Variants in AHRR observed in about 807,000 individuals in gnomAD.
AHRR encodes the protein ahR repressor.
AHRR carries 28 observed loss-of-function variants against 44.0 expected under a neutral mutation model. The ratio of observed to expected loss-of-function variants is 0.64; its 90% CI spans 0.47 to 0.87. The LOEUF (loss-of-function observed/expected upper bound fraction) is 0.87, where lower values mean the gene tolerates loss of function less well. AHRR is among the 40% of genes least tolerant of loss of function. The pLI is 0.00. For synonymous variants in AHRR, 434 were observed against 407.0 expected (o/e 1.07, Z -0.80); for missense variants, 990 against 953.9 (o/e 1.04, Z -0.50).
chr5:344,503 G>GT (rs36162781), intron 2 of AHRR, among the ~76,000 whole-genome samples: 9 of 1,918 alleles, frequency 4.7e-3, no homozygotes, highest in Admixed American at 0.013. Context: ...TGTGTGTGTG[G>GT]GTGTGTGTGT....
intron 4 of AHRR, among the ~76,000 whole-genome samples, chr5:397,809 G>A (rs62331585): frequency 0.12 from 5,348 of 43,074 alleles, 537 homozygotes; most frequent in African/African-American, 0.4. Context: ...GCCCCTGACC[G>A]TCCACGTAGC....
Position 395,239 on chromosome 5 carries a change from G to A in AHRR, c.352-18105G>A, listed in dbSNP as rs371888806. ...AGGTGGCCGACACTGGCTGCCCTGCGTCCCCATTCCCTGAATGACACTGGT... is the reference window on the plus strand; with the variant it reads ...AGGTGGCCGACACTGGCTGCCCTGCATCCCCATTCCCTGAATGACACTGGT... On this transcript the variant is annotated intron_variant, in intron 4 of 10. Transcript: ENST00000684583. This position sits in a 1 kb window ranked among gnomAD's most constrained non-coding sequence, Gnocchi z 5.3. Among the ~76,000 whole-genome samples the A allele has an allele frequency of 2.9e-4, 44 of 152,272 alleles. No homozygotes were observed. The highest frequency in any genetic ancestry group is 9.6e-4 in the African/African-American group (40 of 41,544).
At chr5:415,112 C>T (rs1311125415) in intron 5 of AHRR, among the ~76,000 whole-genome samples, 1 of 152,234 alleles carries the variant, frequency 6.6e-6, no homozygotes, top group East Asian at 1.9e-4. Flanking sequence ...CTTTGGGACC[C>T]AGGTGAGATG....
Position 433,964 on chromosome 5 carries a change from T to C in AHRR, c.1224T>C (p.Ser408=), listed in dbSNP as rs781207145. 6.4e-7 allele frequency: 1 copy of C among 1,559,272 alleles called. No individual in the cohort carries two copies. The highest frequency in any genetic ancestry group is 2.3e-5 in the East Asian group (1 of 44,352). ...TGCCCTGGACAGCGGGAAAGCACAG[T>C]GAGGATGGTGCCAGGCCGAGGCTGC... ...KPLPWTAGKH[S]EDGARPRLQP... is the part of the protein sequence containing the mutation. Residue 408 remains serine, a synonymous_variant, in exon 11 of 11, where the codon AGT becomes AGC. Coordinates refer to ENST00000684583, the MANE Select transcript of AHRR (RefSeq NM_001377236.1).
rs1736785063 is a variant in AHRR, at chr5:432,643, A to C, written c.970+119A>C. 3 of 1,508,340 alleles carry C rather than the reference A, an allele frequency of 2.0e-6. No individual in the cohort carries two copies. In the East Asian group the frequency reaches 6.9e-5, roughly 35 times the overall value. 93.4% of individuals were successfully genotyped at this position (1,508,340 alleles called of 1,614,324 possible). A position where few individuals can be genotyped will look rare whatever the true frequency, so the allele number is the denominator to read the frequency against. ...ATTCCATGGAAAAGCCATTTTGCAG[A>C]GACTTGGTGTCTGTCCTGCTGTGGA... On this transcript the variant is annotated intron_variant, in intron 9 of 10. Coordinates refer to ENST00000684583, the MANE Select transcript of AHRR (RefSeq NM_001377236.1).
intron 3 of AHRR, among the ~76,000 whole-genome samples, chr5:371,612 ACCCACCTGTCCTGGG>A (rs1167724029): frequency 6.6e-6 from 1 of 151,968 alleles, no homozygotes; most frequent in Non-Finnish European, 1.5e-5. Flanking sequence ...CCTGTCCTAG[ACCCACCTGTCCTGGG>A]CCCACCTGTC....
At chr5:390,976 C>T (rs1734391361) in intron 4 of AHRR, among the ~76,000 whole-genome samples, 2 of 152,276 alleles carry the variant, frequency 1.3e-5, no homozygotes, top group South Asian at 4.2e-4. Flanking sequence ...CAGAAGGGGT[C>T]TGGGTGGGGA....
At chr5:377,036 T>C (rs951301914) in intron 4 of AHRR, among the ~76,000 whole-genome samples, 2 of 152,148 alleles carry the variant, frequency 1.3e-5, no homozygotes, top group Non-Finnish European at 2.9e-5. Context: ...GAGAGAACCT[T>C]GTACAAAATT....
At chr5:373,590 T>G (rs1358450719) in intron 3 of AHRR, among the ~76,000 whole-genome samples, 1 of 149,552 alleles carries the variant, frequency 6.7e-6, no homozygotes, top group Non-Finnish European at 1.5e-5. Flanking sequence ...CTGCGGTGGC[T>G]GGGCGGAGGG....
At chr5:432,972 C>T in intron 10 of AHRR, 25 bp downstream of exon 10, 6 of 1,559,646 alleles carry the variant, frequency 3.8e-6, no homozygotes, top group Non-Finnish European at 3.5e-6. Flanking sequence ...GCAGCCTCCC[C>T]CAGCCCTGGC....
In AHRR at chr5:388,670, G is replaced by A. The variant is rs139257746; in HGVS notation, c.351+11954G>A. ...GGGCTTGGTGACATGAGGAGCGGGGGTGTCAGAGCCAGGGGCACCGTCCTC... is the reference window on the plus strand; with the variant it reads ...GGGCTTGGTGACATGAGGAGCGGGGATGTCAGAGCCAGGGGCACCGTCCTC... On this transcript the variant is annotated intron_variant, in intron 4 of 10. Coordinates refer to ENST00000684583, the MANE Select transcript of AHRR (RefSeq NM_001377236.1). The surrounding 1 kb of genome is among the most constrained non-coding windows in gnomAD (Gnocchi z 5.2). 1.3e-5 allele frequency among the ~76,000 whole-genome samples: 2 copies of A among 152,292 alleles called. No homozygotes were observed. The highest frequency in any genetic ancestry group is 2.9e-5 in the Non-Finnish European group (2 of 68,022).
chr5:367,073 T>C (rs1350120551), intron 3 of AHRR, among the ~76,000 whole-genome samples: 2 of 152,268 alleles, frequency 1.3e-5, no homozygotes, highest in African/African-American at 4.8e-5. Flanking sequence ...ATAGCTTTTC[T>C]GTAAGTTTGA....
At chr5:335,691 A>G (rs1391891829) in intron 1 of AHRR, among the ~76,000 whole-genome samples, 2 of 152,234 alleles carry the variant, frequency 1.3e-5, no homozygotes, top group African/African-American at 4.8e-5. Context: ...AGCCTTGGCC[A>G]TGGATGGAAG....
At chr5:385,750 A>G (rs544215831) in intron 4 of AHRR, among the ~76,000 whole-genome samples, 1 of 152,220 alleles carries the variant, frequency 6.6e-6, no homozygotes, top group South Asian at 2.1e-4. Context: ...GGGTTCGCTG[A>G]TCTTCTTGAA....
chr5:418,522 C>T (rs1385134198), intron 5 of AHRR, among the ~76,000 whole-genome samples: 2 of 152,186 alleles, frequency 1.3e-5, no homozygotes, highest in African/African-American at 2.4e-5. Context: ...GACCCTTTCT[C>T]GCCTGTTGAT....
chr5:379,233 C>T (rs1055431253), intron 4 of AHRR, among the ~76,000 whole-genome samples: 1 of 151,928 alleles, frequency 6.6e-6, no homozygotes, highest in African/African-American at 2.4e-5. Flanking sequence ...TTGTTGCTGC[C>T]GGTTAGGATT....
At chr5:421,368 C>A in intron 5 of AHRR, 1 of 664,278 alleles carries the variant, frequency 1.5e-6, no homozygotes, top group Non-Finnish European at 2.7e-6. Flanking sequence ...ACGTGGAGTC[C>A]GCGCACAGTA....
At chr5:376,559 T>TGAATGAATGAGAGC in intron 3 of AHRR, 51 bp from the exon 4 acceptor site, 1 of 241,104 alleles carries the variant, frequency 4.1e-6, no homozygotes, top group South Asian at 3.7e-5. Flanking sequence ...TGAAGAAGAG[T>TGAATGAATGAGAGC]GGCCAGGCCA....
intron 3 of AHRR, among the ~76,000 whole-genome samples, chr5:361,670 C>T (rs957384906): frequency 2.6e-5 from 4 of 152,184 alleles, no homozygotes; most frequent in African/African-American, 9.6e-5. Context: ...GTGTGACTTG[C>T]TTGGGACCCG....
Sources: gnomAD v4.1 joint callset for allele counts (sites outside exome capture counted in the v4.1 genomes callset) on GRCh38, gnomAD v4.1.1 for gene constraint, Gnocchi (gnomAD v3.1) non-coding constraint, MANE v1.5 for transcripts, NCBI Gene and HGNC (gene_info 2026-07-23, HGNC 2026-07-21) for gene names.